The following ZNF48 variants were observed in gnomAD, a reference collection of about 807,000 sequenced individuals.
ZNF48 encodes the protein zinc finger protein 553.
ZNF48 carries 20 observed loss-of-function variants against 40.0 expected under a neutral mutation model. The ratio of observed to expected loss-of-function variants is 0.50; its 90% CI spans 0.35 to 0.73. The LOEUF (loss-of-function observed/expected upper bound fraction) is 0.73, where lower values mean the gene tolerates loss of function less well. ZNF48 is among the 30% of genes least tolerant of loss of function. The pLI, the probability that ZNF48 is intolerant of heterozygous loss-of-function variation, is 0.01. For synonymous variants in ZNF48, 298 were observed against 329.7 expected (o/e 0.90, Z 1.04); for missense variants, 726 against 851.9 (o/e 0.85, Z 1.84).
intron 1 of ZNF48, among the ~76,000 whole-genome samples, chr16:30,387,087 T>A (rs62055459): frequency 1.3e-5 from 2 of 150,128 alleles, no homozygotes; most frequent in Admixed American, 1.3e-4. Flanking sequence ...GGACTACAGG[T>A]GCCCACCACC....
upstream of ZNF48, among the ~76,000 whole-genome samples, chr16:30,392,082 G>T (rs1243066734): frequency 6.6e-6 from 1 of 152,218 alleles, no homozygotes; most frequent in Non-Finnish European, 1.5e-5. Context: ...GAGCGCAGTG[G>T]CGCGATCTCG....
chr16:30,393,441 G>A (rs935162265), upstream of ZNF48, among the ~76,000 whole-genome samples: 1 of 149,326 alleles, frequency 6.7e-6, no homozygotes, highest in African/African-American at 2.5e-5. Context: ...CTGGAATGCA[G>A]TGGCGTGATC....
Position 30,382,260 on chromosome 16 carries a change from C to A in ZNF48, c.-16+3850C>A. 1.2e-6 allele frequency: 2 copies of A among 1,613,368 alleles called. No homozygotes were observed. ...GGACATCCCCTCCGCAGTTCCCTCTCCAAAACCCCCAGACCTGCCACCATT... is the reference window on the plus strand; with the variant it reads ...GGACATCCCCTCCGCAGTTCCCTCTACAAAACCCCCAGACCTGCCACCATT... On this transcript the variant is annotated intron_variant, in intron 1 of 2. Coordinates refer to the ZNF48 transcript ENST00000528032. This position sits in a 1 kb window ranked among gnomAD's most constrained non-coding sequence, Gnocchi z 4.8.
In ZNF48 at chr16:30,398,205, G is replaced by GT; in HGVS notation, c.956dup (p.Lys320GlufsTer9). On this transcript the variant is annotated frameshift_variant, in exon 3 of 3. Transcript: ENST00000613509. LOFTEE classifies it high-confidence loss of function. This position sits in a 1 kb window ranked among gnomAD's most constrained non-coding sequence, Gnocchi z 6.6. ...GGAGTTTGCCCGGGGATCCGACCTG[G>GT]TGAAGCACCTGCGGGTGCACACGGG... is the stretch of plus-strand genomic sequence containing the variant. The GT allele has an allele frequency of 6.2e-7, 1 of 1,613,992 alleles. No homozygotes were observed. The highest frequency in any genetic ancestry group is 8.5e-7 in the Non-Finnish European group (1 of 1,180,042).
chr16:30,379,531 T>C, intron 1 of ZNF48: 2 of 1,613,288 alleles, frequency 1.2e-6, no homozygotes, highest in East Asian at 2.2e-5. Flanking sequence ...AAAGGGATGC[T>C]TTCCTGGAGG....
In ZNF48 at chr16:30,381,213, C is replaced by G; in HGVS notation, c.-16+2803C>G. On this transcript the variant is annotated intron_variant, in intron 1 of 2. Transcript: ENST00000528032. This position sits in a 1 kb window ranked among gnomAD's most constrained non-coding sequence, Gnocchi z 4.3. Reference sequence around the variant, plus strand: ...ATGATGTTGACTTTCTCGTGTACTGCCCGGAGGAAGGCCACATCTAGGGGC... The same window carrying G: ...ATGATGTTGACTTTCTCGTGTACTGGCCGGAGGAAGGCCACATCTAGGGGC... The G allele has an allele frequency of 6.2e-7, 1 of 1,614,018 alleles. No individual in the cohort carries two copies. Among genetic ancestry groups the G allele is most frequent in the Non-Finnish European group, 8.5e-7 (1 of 1,179,994 alleles).
At position 30,395,865 on chromosome 16, in the gene ZNF48, C is replaced by G. The variant is rs374460945; in HGVS notation, c.71C>G (p.Ala24Gly). 2 of 1,541,362 alleles carry G rather than the reference C, an allele frequency of 1.3e-6. No individual in the cohort carries two copies. The highest frequency in any genetic ancestry group is 2.7e-5 in the African/African-American group (2 of 73,218). ...GAGGAGAGGGAGCCACAGAGAGGCG[C>G]CCGCACAGGTGAGGGCCTCGGCCGT... ...RPEEREPQRG[A>G]RTGLGSENVI... is the part of the protein sequence containing the mutation. The change falls in exon 2 of 3, where the codon GCC becomes GGC. Residue 24 changes from alanine (A) to glycine (G), a missense_variant. Coordinates refer to ENST00000613509, the MANE Select transcript of ZNF48 (RefSeq NM_001214909.2). This position sits in a 1 kb window ranked among gnomAD's most constrained non-coding sequence, Gnocchi z 5.9.
At chr16:30,385,626 A>C (rs1319575779) in intron 1 of ZNF48, among the ~76,000 whole-genome samples, 1 of 151,866 alleles carries the variant, frequency 6.6e-6, no homozygotes, top group Non-Finnish European at 1.5e-5. Context: ...TCTGTCTCAA[A>C]AAAAAGGAAA....
intron 1 of ZNF48, chr16:30,380,666 A>T (rs1323447299): frequency 5.8e-6 from 1 of 173,840 alleles, no homozygotes; most frequent in African/African-American, 2.4e-5. Context: ...GCTACTCAAG[A>T]GGCTGAGGCA....
Position 30,398,535 on chromosome 16 carries a change from T to G in ZNF48, c.1285T>G (p.Leu429Val), listed in dbSNP as rs1238946946. Residue 429 changes from leucine (L) to valine (V), a missense_variant, in exon 3 of 3, where the codon TTG becomes GTG. Transcript: ENST00000613509. The surrounding 1 kb of genome is among the most constrained non-coding windows in gnomAD (Gnocchi z 6.6). ...GGGTGAGCCTTTTGGCCTGCCTGGC[T>G]TGGAGCCAGAGCCTGGGGGCCCACA... ...HSGEPFGLPG[L>V]EPEPGGPQAG... 1 of 1,605,902 alleles carries G rather than the reference T, an allele frequency of 6.2e-7. No homozygotes were observed. Among genetic ancestry groups the G allele is most frequent in the African/African-American group, 1.3e-5 (1 of 74,698 alleles).
At chr16:30,396,395 C>T (rs1175830449) in intron 2 of ZNF48, among the ~76,000 whole-genome samples, 1 of 152,144 alleles carries the variant, frequency 6.6e-6, no homozygotes, top group Non-Finnish European at 1.5e-5. Context: ...TTCCTTATCT[C>T]CTATCTCTCT....
chr16:30,387,510 G>T (rs991792181), intron 1 of ZNF48, among the ~76,000 whole-genome samples: 1 of 148,602 alleles, frequency 6.7e-6, no homozygotes, highest in Non-Finnish European at 1.5e-5. Context: ...AGTGGAGATC[G>T]CACCATCGCA....
chr16:30,386,784 C>G (rs1268875183), intron 1 of ZNF48, among the ~76,000 whole-genome samples: 2 of 151,838 alleles, frequency 1.3e-5, no homozygotes, highest in South Asian at 2.1e-4. Flanking sequence ...CCTGCCTCAG[C>G]CTCCCGAGTA....
Position 30,382,685 on chromosome 16 carries a change from C to G in ZNF48, c.-16+4275C>G. ...GTGGGGAAGGCCAAGGCCAAGAACA[C>G]TTGGGGTTGCCACCTCCTGGACCCC... On this transcript the variant is annotated intron_variant, in intron 1 of 2. Transcript: ENST00000528032. This position sits in a 1 kb window ranked among gnomAD's most constrained non-coding sequence, Gnocchi z 4.8. The G allele has an allele frequency of 6.5e-7, 1 of 1,532,968 alleles. No homozygotes were observed. Among genetic ancestry groups the G allele is most frequent in the Non-Finnish European group, 8.8e-7 (1 of 1,142,176 alleles). The allele number at this position is 1,532,968 out of a possible 1,614,324, so 95.0% of individuals were successfully genotyped here.
At chr16:30,384,198 G>A (rs1326995128) in intron 1 of ZNF48, among the ~76,000 whole-genome samples, 1 of 149,264 alleles carries the variant, frequency 6.7e-6, no homozygotes, top group African/African-American at 2.5e-5. Context: ...CTGGGCAACA[G>A]AGCAAGACCC....
rs1173262588 is a variant in ZNF48 at position 30,395,855 on chromosome 16, C to A, written c.61C>A (p.Gln21Lys). The A allele has an allele frequency of 6.5e-7, 1 of 1,544,684 alleles. No homozygotes were observed. Among genetic ancestry groups the A allele is most frequent in the Non-Finnish European group, 8.7e-7 (1 of 1,149,918 alleles). The change falls in exon 2 of 3, where the codon CAG becomes AAG. Residue 21 changes from glutamine (Q) to lysine (K), a missense_variant. Around this residue, in one of 5 missense-constraint regions of ZNF48, gnomAD observed 151 missense variants for 162.3 expected, o/e 0.93. Coordinates refer to ENST00000613509, the MANE Select transcript of ZNF48 (RefSeq NM_001214909.2). The surrounding 1 kb of genome is among the most constrained non-coding windows in gnomAD (Gnocchi z 5.9). ...DLHRPEEREPQRGARTGLGSE... is the reference protein window; with the variant it reads ...DLHRPEEREPKRGARTGLGSE... ...CCACCGCCCGGAGGAGAGGGAGCCA[C>A]AGAGAGGCGCCCGCACAGGTGAGGG...
At position 30,382,067 on chromosome 16, in the gene ZNF48, C is replaced by T. The variant is rs747855997; in HGVS notation, c.-16+3657C>T. 6.3e-7 allele frequency: 1 copy of T among 1,579,698 alleles called. No homozygotes were observed. The highest frequency in any genetic ancestry group is 2.3e-5 in the East Asian group (1 of 42,878). ...TGTAACCTGGGGACAGGGGCTACTG[C>T]CTCAAGAGGGTGGGGAGGGTCTTAC... On this transcript the variant is annotated intron_variant, in intron 1 of 2. Transcript: ENST00000528032. This position sits in a 1 kb window ranked among gnomAD's most constrained non-coding sequence, Gnocchi z 4.8.
Position 30,382,697 on chromosome 16 carries a change from A to T in ZNF48, c.-16+4287A>T. ...AAGGCCAAGAACACTTGGGGTTGCC[A>T]CCTCCTGGACCCCTTTGCCCATCAC... On this transcript the variant is annotated intron_variant, in intron 1 of 2. Coordinates refer to the ZNF48 transcript ENST00000528032. The surrounding 1 kb of genome is among the most constrained non-coding windows in gnomAD (Gnocchi z 4.8). 6.5e-7 allele frequency: 1 copy of T among 1,532,428 alleles called. No individual in the cohort carries two copies. The highest frequency in any genetic ancestry group is 1.2e-5 in the South Asian group (1 of 83,942). The allele number at this position is 1,532,428 out of a possible 1,614,324, so 94.9% of individuals were successfully genotyped here.
chr16:30,378,847 A>AGAGAGCGGGAGAGAGG, intron 1 of ZNF48: 1 of 530,494 alleles, frequency 1.9e-6, no homozygotes. Context: ...GCGGGTGGGG[A>AGAGAGCGGGAGAGAGG]GAGAGGGGGA....
Sources: allele counts gnomAD v4.1 joint callset (sites outside exome capture counted in the v4.1 genomes callset), GRCh38; gene constraint gnomAD v4.1.1; regional missense constraint gnomAD v4.1.1; non-coding constraint Gnocchi (gnomAD v3.1); transcripts MANE v1.5; gene names NCBI Gene and HGNC (gene_info 2026-07-23, HGNC 2026-07-21).